USP31: variants seen among roughly 807,000 people sequenced by gnomAD.
The protein encoded by USP31 is ubiquitin specific peptidase 31.
A neutral mutation model predicts 119.4 loss-of-function variants in USP31; 44 were observed. That is an observed-to-expected ratio of 0.37 (90% CI 0.29 to 0.47). The LOEUF (loss-of-function observed/expected upper bound fraction) is 0.47. Among genes scored for constraint, USP31 ranks in the 20% least tolerant of loss-of-function variants. The probability of loss-of-function intolerance (pLI) is 0.99; values close to 1 mark genes in which losing one functional copy is unlikely to be tolerated. For synonymous variants in USP31, 749 were observed against 705.6 expected (o/e 1.06, Z -0.97); for missense variants, 1,643 against 1,730.2 (o/e 0.95, Z 0.89).
intron 1 of USP31, among the ~76,000 whole-genome samples, chr16:23,118,187 T>C (rs1009745567): frequency 1.3e-5 from 2 of 152,228 alleles, no homozygotes; most frequent in African/African-American, 4.8e-5. Context: ...AAAGGATTAC[T>C]GTAAGGCTTT....
Position 23,148,683 on chromosome 16 carries a change from G to T in USP31, c.588C>A (p.Ala196=). 1 of 1,494,114 alleles carries T rather than the reference G, an allele frequency of 6.7e-7. No individual in the cohort carries two copies. 92.6% of individuals were successfully genotyped at this position (1,494,114 alleles called of 1,614,324 possible). A position where few individuals can be genotyped will look rare whatever the true frequency, so the allele number is the denominator to read the frequency against. The stretch of plus-strand genomic sequence containing the variant: ...GCGGGGTGTACTCCAGGGTCCAGAG[G>T]GCCCGCACCAGGTGCGCCAGCTGCT... ...VTEQLAHLVR[A]LWTLEYTPQH... is the part of the protein sequence containing the mutation. Residue 196 remains alanine (A), a synonymous_variant, in exon 1 of 16, where the codon GCC becomes GCA. Transcript: ENST00000219689.
intron 1 of USP31, among the ~76,000 whole-genome samples, chr16:23,123,068 C>G (rs950419849): frequency 6.6e-6 from 1 of 152,016 alleles, no homozygotes; most frequent in Non-Finnish European, 1.5e-5. Context: ...TGTTAGAAGA[C>G]GATCTAATGG....
intron 5 of USP31, among the ~76,000 whole-genome samples, chr16:23,103,288 G>A (rs958608365): frequency 4.0e-5 from 6 of 151,436 alleles, no homozygotes; most frequent in Non-Finnish European, 5.9e-5. Flanking sequence ...CCTAAACCAC[G>A]GATATTTGTA....
chr16:23,075,789 C>G (rs2141833943), intron 13 of USP31, among the ~76,000 whole-genome samples: 1 of 152,268 alleles, frequency 6.6e-6, no homozygotes, highest in South Asian at 2.1e-4. Context: ...AAGATTACAT[C>G]AAAATAAACA....
chr16:23,124,978 G>A (rs1902802048), intron 1 of USP31, among the ~76,000 whole-genome samples: 1 of 152,182 alleles, frequency 6.6e-6, no homozygotes, highest in Non-Finnish European at 1.5e-5. Flanking sequence ...TAGACCCAGT[G>A]AAAGTGTAGA....
intron 1 of USP31, among the ~76,000 whole-genome samples, chr16:23,127,324 G>A (rs1405132331): frequency 1.4e-5 from 2 of 141,284 alleles, no homozygotes; most frequent in Non-Finnish European, 3.2e-5. Context: ...CTACTCCAGG[G>A]ACTGAGGATC....
At chr16:23,107,788 T>A (rs1399688196) in intron 2 of USP31, among the ~76,000 whole-genome samples, 3 of 152,250 alleles carry the variant, frequency 2.0e-5, no homozygotes, top group Non-Finnish European at 2.9e-5. Flanking sequence ...TCACTTTTTT[T>A]AATCTGAAGC....
At chr16:23,132,332 GT>G (rs371381341) in intron 1 of USP31, among the ~76,000 whole-genome samples, 1,430 of 124,960 alleles carry the variant, frequency 0.011, 10 homozygotes, top group African/African-American at 0.031. Context: ...AATATAAAAG[GT>G]TTTTTTTTTT....
At chr16:23,123,340 C>T (rs982282118) in intron 1 of USP31, among the ~76,000 whole-genome samples, 2 of 152,112 alleles carry the variant, frequency 1.3e-5, no homozygotes, top group African/African-American at 4.8e-5. Context: ...GAGTTCGAGA[C>T]CAGCCTGGCC....
intron 1 of USP31, among the ~76,000 whole-genome samples, chr16:23,119,634 T>C (rs1032836378): frequency 1.3e-5 from 2 of 152,212 alleles, no homozygotes; most frequent in African/African-American, 4.8e-5. Context: ...AATAACTCCT[T>C]GTTTAGCAGT....
intron 1 of USP31, among the ~76,000 whole-genome samples, chr16:23,142,801 C>T (rs1226846622): frequency 6.6e-6 from 1 of 152,186 alleles, no homozygotes; most frequent in Non-Finnish European, 1.5e-5. Context: ...AAGGGATGTA[C>T]TTTTTATTTT....
chr16:23,088,386 A>G (rs1289312381), intron 7 of USP31, among the ~76,000 whole-genome samples: 2 of 152,206 alleles, frequency 1.3e-5, no homozygotes, highest in African/African-American at 2.4e-5. Context: ...TTAGAAAATA[A>G]TGATGCCCAA....
intron 1 of USP31, among the ~76,000 whole-genome samples, chr16:23,126,363 G>A (rs1369826446): frequency 1.2e-4 from 18 of 145,814 alleles, no homozygotes; most frequent in African/African-American, 4.5e-4. Flanking sequence ...AGTGGCTCAC[G>A]CCTGTAATCC....
intron 13 of USP31, among the ~76,000 whole-genome samples, chr16:23,077,693 ACT>A (rs1426166012): frequency 5.3e-5 from 8 of 152,184 alleles, no homozygotes; most frequent in Admixed American, 3.3e-4. Context: ...TATATAACAC[ACT>A]GAGTGTGAAG....
intron 1 of USP31, among the ~76,000 whole-genome samples, chr16:23,129,577 A>C (rs1902963911): frequency 6.6e-6 from 1 of 152,166 alleles, no homozygotes; most frequent in Non-Finnish European, 1.5e-5. Flanking sequence ...ATTGTCCACA[A>C]ATTGGTAGTT....
Position 23,090,629 on chromosome 16 carries a change from C to T in USP31, c.1410G>A (p.Gly470=). Residue 470 remains glycine (G), a synonymous_variant, in exon 7 of 16, where the codon GGG becomes GGA. Coordinates refer to ENST00000219689, the MANE Select transcript of USP31 (RefSeq NM_020718.4). The part of the protein sequence containing the change: ...VCNRACTGQQ[G]KRFGLPFVLH... Reference sequence around the variant, plus strand: ...GAAAATAATCTGGTTCTCACCTTTTCCCTTGTTGCCCAGTGCAGGCTCGGT... The same window carrying T: ...GAAAATAATCTGGTTCTCACCTTTTTCCTTGTTGCCCAGTGCAGGCTCGGT... The T allele has an allele frequency of 1.9e-6, 3 of 1,604,178 alleles. No homozygotes were observed. The highest frequency in any genetic ancestry group is 2.6e-6 in the Non-Finnish European group (3 of 1,172,318).
rs571218060 is a variant in USP31, at chr16:23,075,740, C to G, written c.2177-1860G>C. ...AGAATCCTTACACAATCGATTATATCATTATACCATCGATTATAGCTAGAA... is the reference window on the plus strand; with the variant it reads ...AGAATCCTTACACAATCGATTATATGATTATACCATCGATTATAGCTAGAA... On this transcript the variant is annotated intron_variant, in intron 13 of 15. Transcript: ENST00000219689. Among the ~76,000 whole-genome samples, 10 of 152,272 alleles carry G rather than the reference C, an allele frequency of 6.6e-5. No homozygotes were observed. In the Middle Eastern group the frequency reaches 0.014, roughly 207 times the overall value.
Position 23,062,426 on chromosome 16 carries a change from TAAAA to T in USP31, c.*5616_*5619del, listed in dbSNP as rs982316517. 1 of 151,022 alleles carries T rather than the reference TAAAA, an allele frequency of 6.6e-6. No individual in the cohort carries two copies. Among genetic ancestry groups the T allele is most frequent in the South Asian group, 2.1e-4 (1 of 4,772 alleles). The allele number at this position is 151,022 out of a possible 1,614,324, so 9.4% of individuals were successfully genotyped here. Reference sequence around the variant, plus strand: ...AAATGTTTCACATTCATTTTCAAACTAAAAAAAAGAATTCCTGAAACCACATTCT... The same window carrying T: ...AAATGTTTCACATTCATTTTCAAACTAAAAGAATTCCTGAAACCACATTCT... On this transcript the variant is annotated 3_prime_UTR_variant, in exon 16 of 16. Transcript: ENST00000219689.
At chr16:23,081,498 C>T (rs117741460) in intron 12 of USP31, among the ~76,000 whole-genome samples, 9,159 of 152,304 alleles carry the variant, frequency 0.06, 377 homozygotes, top group Non-Finnish European at 0.08. Flanking sequence ...CAACCTATCC[C>T]ATCTACTAGC....
Sources: allele counts gnomAD v4.1 joint callset (sites outside exome capture counted in the v4.1 genomes callset), GRCh38; gene constraint gnomAD v4.1.1; transcripts MANE v1.5; gene names NCBI Gene and HGNC (gene_info 2026-07-23, HGNC 2026-07-21).